The following ERC1 variants were observed in gnomAD, a reference collection of about 807,000 sequenced individuals.
ERC1 encodes RAB6 interacting protein 2.
Under a neutral mutation model 132.0 loss-of-function variants are expected in ERC1, and 56 were observed. That is an observed-to-expected ratio of 0.42 (90% CI 0.34 to 0.53). ERC1 has a LOEUF of 0.53. Among genes scored for constraint, ERC1 ranks in the 20% least tolerant of loss-of-function variants. ERC1 has a pLI of 0.03. For missense variants in ERC1, 1,202 were observed against 1,349.9 expected (o/e 0.89, Z 1.72); for synonymous variants, 478 against 476.1 (o/e 1.00, Z -0.05).
At chr12:1,092,950 TG>T (rs1943440805) in intron 3 of ERC1, among the ~76,000 whole-genome samples, 1 of 152,188 alleles carries the variant, frequency 6.6e-6, no homozygotes, top group Non-Finnish European at 1.5e-5. Flanking sequence ...AGTGACACTC[TG>T]CCTCAAAAAC....
At chr12:1,408,317 A>C in intron 17 of ERC1, 70 bp downstream of exon 17, 1 of 1,056,796 alleles carries the variant, frequency 9.5e-7, no homozygotes, top group African/African-American at 1.6e-5. Context: ...TTGTACTAGC[A>C]TGTTGCAAAT....
rs1555194875 is a variant in ERC1, at chr12:1,007,540, C to CTCTCTCTGTG, written c.-157+16219_-157+16220insCTCTCTGTGT. 4.0e-4 allele frequency among the ~76,000 whole-genome samples: 49 copies of CTCTCTCTGTG among 122,780 alleles called. 1 individual carries two copies. Among genetic ancestry groups the CTCTCTCTGTG allele is most frequent in the Admixed American group, 1.6e-3 (20 of 12,204 alleles). The allele number at this position is 122,780 out of a possible 152,430, so 80.5% of individuals were successfully genotyped here. A position where few individuals can be genotyped will look rare whatever the true frequency, so the allele number is the denominator to read the frequency against. On this transcript the variant is annotated intron_variant, in intron 1 of 18. Coordinates refer to ENST00000360905, the MANE Select transcript of ERC1 (RefSeq NM_178040.4). ...ATTCTCTCTCTCTCTCTCTCTCTCTCTGTGTGTGTGTGTGTGTGTGTGTGT... is the reference window on the plus strand; with the variant it reads ...ATTCTCTCTCTCTCTCTCTCTCTCTCTCTCTCTGTGTGTGTGTGTGTGTGTGTGTGTGTGT...
chr12:1,356,726 T>C (rs2085577478), intron 15 of ERC1, among the ~76,000 whole-genome samples: 1 of 152,152 alleles, frequency 6.6e-6, no homozygotes, highest in Admixed American at 6.5e-5. Flanking sequence ...AGCTAGAACC[T>C]ATAGGAGGAT....
intron 13 of ERC1, among the ~76,000 whole-genome samples, chr12:1,239,754 T>C (rs1244186943): frequency 1.3e-5 from 2 of 152,150 alleles, no homozygotes; most frequent in African/African-American, 2.4e-5. Flanking sequence ...AAGTTAGGAA[T>C]TCTTGGAGAA....
chr12:1,429,675 T>C (rs1166628875), intron 17 of ERC1, among the ~76,000 whole-genome samples: 1 of 152,124 alleles, frequency 6.6e-6, no homozygotes, highest in Non-Finnish European at 1.5e-5. Flanking sequence ...TTATACAAGA[T>C]GCAATAGAAA....
At chr12:1,054,954 G>A (rs568521819) in intron 2 of ERC1, among the ~76,000 whole-genome samples, 4 of 152,214 alleles carry the variant, frequency 2.6e-5, no homozygotes, top group African/African-American at 9.6e-5. Flanking sequence ...TTCAAGAATG[G>A]AATTATTCTT....
chr12:1,311,793 A>G (rs2081326320), intron 15 of ERC1, among the ~76,000 whole-genome samples: 1 of 152,214 alleles, frequency 6.6e-6, no homozygotes, highest in South Asian at 2.1e-4. Flanking sequence ...TTTCACTTGA[A>G]GTAGCCATGC....
intron 17 of ERC1, among the ~76,000 whole-genome samples, chr12:1,428,852 T>C (rs1196927696): frequency 6.6e-6 from 1 of 152,220 alleles, no homozygotes; most frequent in African/African-American, 2.4e-5. Flanking sequence ...GTGCCTTCCT[T>C]CTTCTTCCTG....
chr12:1,210,657 G>A (rs906780459), intron 12 of ERC1, among the ~76,000 whole-genome samples: 1 of 152,138 alleles, frequency 6.6e-6, no homozygotes, highest in Non-Finnish European at 1.5e-5. Context: ...TTTCTGGTGT[G>A]TTTGGGATAG....
chr12:1,404,134 G>A (rs1408336009), intron 16 of ERC1, among the ~76,000 whole-genome samples: 4 of 152,172 alleles, frequency 2.6e-5, no homozygotes, highest in Non-Finnish European at 5.9e-5. Flanking sequence ...CCATTTTGGA[G>A]ACCAGAAGTG....
chr12:1,328,878 G>A (rs1366368663), intron 15 of ERC1, among the ~76,000 whole-genome samples: 7 of 119,496 alleles, frequency 5.9e-5, no homozygotes, highest in African/African-American at 2.4e-4. Context: ...GTATCATCTG[G>A]AATAAGACAG....
intron 16 of ERC1, among the ~76,000 whole-genome samples, chr12:1,405,178 A>AATAC (rs1566786403): frequency 1.4e-5 from 2 of 147,036 alleles, no homozygotes; most frequent in African/African-American, 5.0e-5. Context: ...TAAATAAATA[A>AATAC]ATATAAATAA....
At chr12:1,099,150 G>A (rs1028702931) in intron 3 of ERC1, among the ~76,000 whole-genome samples, 25 of 152,076 alleles carry the variant, frequency 1.6e-4, no homozygotes, top group African/African-American at 5.8e-4. Flanking sequence ...AGCCAGATTA[G>A]GCTGCTTTTA....
chr12:1,037,516 G>T (rs1969313494), intron 2 of ERC1, among the ~76,000 whole-genome samples: 1 of 152,192 alleles, frequency 6.6e-6, no homozygotes, highest in Non-Finnish European at 1.5e-5. Flanking sequence ...GCCCAGAAGA[G>T]TATAGGAGGT....
intron 15 of ERC1, 138 bp downstream of exon 15, chr12:1,290,150 G>A: frequency 1.4e-6 from 1 of 714,502 alleles, no homozygotes; most frequent in Non-Finnish European, 2.3e-6. Context: ...TCACTCTCTA[G>A]AATAAATTTG....
chr12:1,092,031 C>G (rs1308203185), intron 3 of ERC1, among the ~76,000 whole-genome samples: 4 of 144,228 alleles, frequency 2.8e-5, no homozygotes, highest in African/African-American at 1.0e-4. Flanking sequence ...CGGAGTCTCG[C>G]TCTGTTGCCC....
At chr12:1,238,541 T>C (rs896974048) in intron 13 of ERC1, among the ~76,000 whole-genome samples, 1 of 152,200 alleles carries the variant, frequency 6.6e-6, no homozygotes, top group East Asian at 1.9e-4. Flanking sequence ...TTGATGTCTT[T>C]ATATTTCATG....
intron 14 of ERC1, among the ~76,000 whole-genome samples, chr12:1,284,495 G>A (rs532396968): frequency 1.3e-5 from 2 of 152,032 alleles, no homozygotes. Flanking sequence ...TCTATTTTTA[G>A]TTGTTTAAGG....
chr12:1,261,313 G>A (rs1388867159), intron 13 of ERC1, among the ~76,000 whole-genome samples: 1 of 152,122 alleles, frequency 6.6e-6, no homozygotes, highest in African/African-American at 2.4e-5. Flanking sequence ...TGAGTTTTCC[G>A]TAAGTTGCTA....
Sources: allele counts gnomAD v4.1 joint callset (sites outside exome capture counted in the v4.1 genomes callset), GRCh38; gene constraint gnomAD v4.1.1; transcripts MANE v1.5; gene names NCBI Gene and HGNC (gene_info 2026-07-23, HGNC 2026-07-21).